FAT3: variants seen among roughly 807,000 people sequenced by gnomAD.
The protein encoded by FAT3 is protocadherin Fat 3.
FAT3 carries 95 observed loss-of-function variants against 310.2 expected under a neutral mutation model. That is an observed-to-expected ratio of 0.31 (90% CI 0.26 to 0.36). The LOEUF (loss-of-function observed/expected upper bound fraction) is 0.36, where lower values mean the gene tolerates loss of function less well. Among genes scored for constraint, FAT3 ranks in the 10% least tolerant of loss-of-function variants. The pLI, the probability that FAT3 is intolerant of heterozygous loss-of-function variation, is 1.00. For missense variants in FAT3, 5,408 were observed against 5,715.6 expected (o/e 0.95, Z 1.74); for synonymous variants, 2,314 against 2,192.9 (o/e 1.06, Z -1.54).
chr11:92,619,053 G>T (rs191425593), intron 3 of FAT3, among the ~76,000 whole-genome samples: 7 of 152,244 alleles, frequency 4.6e-5, no homozygotes, highest in Non-Finnish European at 8.8e-5. Context: ...TCCTGAAAGG[G>T]TTGTTAGATT....
In FAT3 at chr11:92,805,256, C is replaced by T. The variant is rs59542280; in HGVS notation, c.9000C>T (p.Leu3000=). 2.5e-3 allele frequency: 4,061 copies of T among 1,613,818 alleles called. 121 individuals carry two copies. In the African/African-American group the frequency reaches 0.048, roughly 19 times the overall value. ...GAGAAGAACAGGACATTTACTTTCT[C>T]AATATCACTGCCACTGATGGGCTTT... ...LDREEQDIYF[L]NITATDGLFV... is the part of the protein sequence containing the mutation. The change falls in exon 11 of 28, where the codon CTC becomes CTT. Residue 3000 remains leucine (L), a synonymous_variant. Coordinates refer to ENST00000525166, the MANE Select transcript of FAT3 (RefSeq NM_001367949.2).
At chr11:92,503,782 A>G (rs548362140) in intron 2 of FAT3, among the ~76,000 whole-genome samples, 360 of 152,288 alleles carry the variant, frequency 2.4e-3, no homozygotes, top group African/African-American at 8.3e-3. Context: ...ATTACTAAAT[A>G]TAATTTAAAA....
At chr11:92,426,209 T>G (rs1009293003) in intron 2 of FAT3, among the ~76,000 whole-genome samples, 1 of 152,228 alleles carries the variant, frequency 6.6e-6, no homozygotes, top group Non-Finnish European at 1.5e-5. Flanking sequence ...TTAATATCCT[T>G]TGCCCACTTT....
chr11:92,558,657 G>A lies in FAT3; in HGVS notation c.3607+33709G>A, dbSNP rs140314609. On this transcript the variant is annotated intron_variant, in intron 3 of 27. Coordinates refer to ENST00000525166, the MANE Select transcript of FAT3 (RefSeq NM_001367949.2). ...CCCGAAAGGTAATTAATAATACAAG[G>A]ACAAAATTGTTTGTGTAGTGTTTTT... is the stretch of plus-strand genomic sequence containing the variant. 5.1e-4 allele frequency among the ~76,000 whole-genome samples: 77 copies of A among 152,216 alleles called. No homozygotes were observed. In the East Asian group the frequency reaches 0.014, roughly 27 times the overall value.
rs11020077 is a variant in FAT3 at position 92,841,813 on chromosome 11, T to C, written c.10566+1054T>C. On this transcript the variant is annotated intron_variant, in intron 18 of 27. Coordinates refer to ENST00000525166, the MANE Select transcript of FAT3 (RefSeq NM_001367949.2). ...CTTCCTTTCTTCAGTCACATTCCCATTGCCACTGCCTCACTGTATTCTGCA... is the reference window on the plus strand; with the variant it reads ...CTTCCTTTCTTCAGTCACATTCCCACTGCCACTGCCTCACTGTATTCTGCA... 9.3e-3 allele frequency among the ~76,000 whole-genome samples: 1,415 copies of C among 152,194 alleles called. 16 individuals are homozygous for C. The highest frequency in any genetic ancestry group is 0.031 in the African/African-American group (1,305 of 41,530).
At chr11:92,585,697 C>A (rs1939109877) in intron 3 of FAT3, among the ~76,000 whole-genome samples, 1 of 151,968 alleles carries the variant, frequency 6.6e-6, no homozygotes, top group South Asian at 2.1e-4. Context: ...TAGCTAATAA[C>A]AGTTTCAGGA....
At chr11:92,378,034 G>T (rs1166254703) in intron 2 of FAT3, among the ~76,000 whole-genome samples, 1 of 152,098 alleles carries the variant, frequency 6.6e-6, no homozygotes. Context: ...ACTGCAGTTT[G>T]TGTCATTTTT....
intron 1 of FAT3, among the ~76,000 whole-genome samples, chr11:92,236,665 T>A (rs566156859): frequency 6.6e-6 from 1 of 152,326 alleles, no homozygotes. Context: ...TCTGTGTTTA[T>A]TAAAAATTGG....
At chr11:92,366,371 A>G (rs1949022357) in intron 2 of FAT3, 1 of 255,710 alleles carries the variant, frequency 3.9e-6, no homozygotes, top group African/African-American at 2.2e-5. Context: ...ACTGATCCCC[A>G]TCTGCAGTTA....
At chr11:92,756,165 A>G (rs2676160) in intron 4 of FAT3, among the ~76,000 whole-genome samples, 1 of 152,078 alleles carries the variant, frequency 6.6e-6, no homozygotes, top group Non-Finnish European at 1.5e-5. Flanking sequence ...GATATGTTCC[A>G]AGATCCCCAG....
intron 13 of FAT3, among the ~76,000 whole-genome samples, chr11:92,827,138 A>G (rs763878154): frequency 6.6e-6 from 1 of 152,160 alleles, no homozygotes; most frequent in Non-Finnish European, 1.5e-5. Flanking sequence ...GTTATTTCTC[A>G]CTGAAGTGTA....
intron 2 of FAT3, among the ~76,000 whole-genome samples, chr11:92,512,035 T>A (rs553981119): frequency 6.6e-6 from 1 of 152,104 alleles, no homozygotes; most frequent in African/African-American, 2.4e-5. Flanking sequence ...GCATACCTCA[T>A]GTAATGAAAA....
At chr11:92,307,225 G>A (rs1947164993) in intron 1 of FAT3, among the ~76,000 whole-genome samples, 1 of 149,486 alleles carries the variant, frequency 6.7e-6, no homozygotes, top group South Asian at 2.1e-4. Context: ...TTTGCCTGAG[G>A]CAGTTCCATA....
At chr11:92,460,358 A>G (rs917789561) in intron 2 of FAT3, among the ~76,000 whole-genome samples, 3 of 152,208 alleles carry the variant, frequency 2.0e-5, no homozygotes, top group African/African-American at 7.2e-5. Context: ...AAGCATAGCC[A>G]TGATCCCTGC....
chr11:92,542,467 A>G lies in FAT3; in HGVS notation c.3607+17519A>G, dbSNP rs1954483319. 2.6e-5 allele frequency among the ~76,000 whole-genome samples: 4 copies of G among 152,072 alleles called. No individual in the cohort carries two copies. The South Asian group carries it at 8.3e-4, about 32-fold the overall frequency. On this transcript the variant is annotated intron_variant, in intron 3 of 27. Transcript: ENST00000525166. Reference sequence around the variant, plus strand: ...GGCTAATAAATAGGGTATATTAGGAACTCAAATAATTCAACAGCAAAAAAA... The same window carrying G: ...GGCTAATAAATAGGGTATATTAGGAGCTCAAATAATTCAACAGCAAAAAAA...
intron 23 of FAT3, among the ~76,000 whole-genome samples, chr11:92,881,267 G>T (rs577147927): frequency 1.3e-4 from 20 of 152,124 alleles, no homozygotes; most frequent in African/African-American, 3.9e-4. Flanking sequence ...ATTGTTTTTT[G>T]ATCATTCTGA....
At chr11:92,560,380 G>A (rs1955179292) in intron 3 of FAT3, among the ~76,000 whole-genome samples, 2 of 151,848 alleles carry the variant, frequency 1.3e-5, no homozygotes, top group South Asian at 4.1e-4. Context: ...TATTTGGCTT[G>A]TCTTTTACTT....
chr11:92,535,254 G>T (rs953673681), intron 3 of FAT3, among the ~76,000 whole-genome samples: 3 of 152,150 alleles, frequency 2.0e-5, no homozygotes, highest in Admixed American at 6.5e-5. Context: ...AGAGATTGGA[G>T]TGATGGTGCC....
At chr11:92,622,779 C>T (rs78876547) in intron 3 of FAT3, among the ~76,000 whole-genome samples, 2,017 of 152,204 alleles carry the variant, frequency 0.013, 45 homozygotes, top group African/African-American at 0.045. Flanking sequence ...CTTCGTAAAG[C>T]CCCAAAAGTT....
Sources: allele counts gnomAD v4.1 joint callset (sites outside exome capture counted in the v4.1 genomes callset), GRCh38; gene constraint gnomAD v4.1.1; transcripts MANE v1.5; gene names NCBI Gene and HGNC (gene_info 2026-07-23, HGNC 2026-07-21).